BCAR3: variants seen among roughly 807,000 people sequenced by gnomAD.
BCAR3 encodes the protein breast cancer anti-estrogen resistance protein 3.
In BCAR3, 37 loss-of-function variants were observed where a neutral mutation model predicts 80.1. The observed-to-expected ratio is 0.46, with a 90% CI of 0.36 to 0.61. The LOEUF is 0.61. BCAR3 is among the 20% of genes least tolerant of loss of function. BCAR3 has a pLI of 0.00. For missense variants in BCAR3, 978 were observed against 1,068.2 expected, an observed-to-expected ratio of 0.92 and a Z score of 1.18; for synonymous variants, 389 against 418.9, an observed-to-expected ratio of 0.93 and a Z score of 0.87.
At chr1:93,718,363 A>G (rs1650261631) in intron 2 of BCAR3, among the ~76,000 whole-genome samples, 1 of 152,240 alleles carries the variant, frequency 6.6e-6, no homozygotes. Context: ...CTAATGCAGC[A>G]GGGTGAGAAA....
At position 93,746,902 on chromosome 1, in the gene BCAR3, G is replaced by C. The variant is rs566787384; in HGVS notation, c.-62-40760C>G. ...CTGCTCAAAGCCCTCTCTTCCCAAG[G>C]CTTCTGCAACACTCCTACTCTTCTC... On this transcript the variant is annotated intron_variant, in intron 2 of 13. Coordinates refer to the BCAR3 transcript ENST00000370244. Among the ~76,000 whole-genome samples the C allele has an allele frequency of 2.0e-5, 3 of 152,180 alleles. No individual in the cohort carries two copies. In the South Asian group the frequency reaches 6.2e-4, roughly 32 times the overall value.
intron 8 of BCAR3, among the ~76,000 whole-genome samples, chr1:93,575,728 C>T (rs953829462): frequency 2.0e-5 from 3 of 152,204 alleles, no homozygotes; most frequent in Admixed American, 2.0e-4. Context: ...CCTGCTCACA[C>T]AGGCCAATTG....
At position 93,784,490 on chromosome 1, in the gene BCAR3, C is replaced by A. The variant is rs572373590; in HGVS notation, c.-63+61077G>T. On this transcript the variant is annotated intron_variant, in intron 2 of 13. Transcript: ENST00000370244. ...AAGTGCCAGCAGTGCTGAGGGTGAG[C>A]AGTTCCCCCAGCATGAAAGAGCTAA... 7.9e-5 allele frequency among the ~76,000 whole-genome samples: 12 copies of A among 152,204 alleles called. No individual in the cohort carries two copies. The South Asian group carries it at 2.3e-3, about 29-fold the overall frequency.
rs556330327 is a variant in BCAR3 at position 93,784,190 on chromosome 1, A to C, written c.-63+61377T>G. Among the ~76,000 whole-genome samples the C allele has an allele frequency of 5.4e-5, 8 of 147,114 alleles. No homozygotes were observed. The East Asian group carries it at 1.6e-3, about 30-fold the overall frequency. The stretch of plus-strand genomic sequence containing the variant: ...CTACAGAATCCTGCCCAAATAATGG[A>C]TCTGTAAAGAAAAAAAAAAAAAAAA... On this transcript the variant is annotated intron_variant, in intron 2 of 13. Coordinates refer to the BCAR3 transcript ENST00000370244.
At chr1:93,563,141 T>TAAG (rs1401920743) in intron 11 of BCAR3, among the ~76,000 whole-genome samples, 1 of 152,198 alleles carries the variant, frequency 6.6e-6, no homozygotes, top group Non-Finnish European at 1.5e-5. Context: ...GATGGTAAGT[T>TAAG]TTTACATAAA....
chr1:93,640,418 G>GA (rs895635410), intron 3 of BCAR3, among the ~76,000 whole-genome samples: 15 of 147,808 alleles, frequency 1.0e-4, no homozygotes, highest in South Asian at 2.1e-4. Context: ...AAGTGAGAAA[G>GA]AAAAAAAAAA....
At chr1:93,670,159 T>C (rs911642046) in intron 2 of BCAR3, among the ~76,000 whole-genome samples, 1 of 152,140 alleles carries the variant, frequency 6.6e-6, no homozygotes, top group Non-Finnish European at 1.5e-5. Context: ...AGCTGAACAA[T>C]GTGAATGTCA....
intron 11 of BCAR3, among the ~76,000 whole-genome samples, chr1:93,566,537 A>C (rs1353888036): frequency 6.6e-6 from 1 of 152,108 alleles, no homozygotes; most frequent in Non-Finnish European, 1.5e-5. Context: ...CACTTGTAAG[A>C]AAAATCCGTT....
intron 5 of BCAR3, among the ~76,000 whole-genome samples, 194 bp downstream of exon 5, chr1:93,588,783 C>A (rs972422153): frequency 6.6e-6 from 1 of 152,150 alleles, no homozygotes; most frequent in African/African-American, 2.4e-5. Flanking sequence ...TTCCTCAGCT[C>A]CTGTACCATT....
At chr1:93,697,452 C>T (rs1304051050) in intron 3 of BCAR3, among the ~76,000 whole-genome samples, 1 of 152,108 alleles carries the variant, frequency 6.6e-6, no homozygotes, top group Admixed American at 6.5e-5. Context: ...GTGAAGAGGC[C>T]GAGATTGATG....
intron 2 of BCAR3, among the ~76,000 whole-genome samples, chr1:93,666,043 T>A (rs1006590493): frequency 1.3e-5 from 2 of 152,216 alleles, no homozygotes; most frequent in Non-Finnish European, 2.9e-5. Context: ...CCTGTACTTT[T>A]ACAACCACCT....
chr1:93,603,755 C>T lies in BCAR3; in HGVS notation c.358-11362G>A, dbSNP rs540754331. On this transcript the variant is annotated intron_variant, in intron 3 of 11. Coordinates refer to ENST00000260502, the MANE Select transcript of BCAR3 (RefSeq NM_003567.4). ...CTGCCGTGCTACTCTGCCTCTCTGG[C>T]TAGATCTGAGGCAGCCGCAGCTGTG... Among the ~76,000 whole-genome samples, 7 of 152,340 alleles carry T rather than the reference C, an allele frequency of 4.6e-5. 1 individual carries two copies. The South Asian group carries it at 1.4e-3, about 32-fold the overall frequency.
intron 3 of BCAR3, among the ~76,000 whole-genome samples, chr1:93,704,649 C>T (rs1264726706): frequency 6.6e-6 from 1 of 152,078 alleles, no homozygotes; most frequent in Non-Finnish European, 1.5e-5. Flanking sequence ...GAAAGGAAGT[C>T]CTTGAAAGTT....
intron 3 of BCAR3, among the ~76,000 whole-genome samples, chr1:93,703,385 G>A (rs1316937095): frequency 6.6e-6 from 1 of 152,096 alleles, no homozygotes; most frequent in Non-Finnish European, 1.5e-5. Flanking sequence ...ACCAGCCTGG[G>A]AAACAAAGCA....
intron 1 of BCAR3, among the ~76,000 whole-genome samples, chr1:93,677,159 G>A (rs1648524705): frequency 6.6e-6 from 1 of 152,206 alleles, no homozygotes; most frequent in Admixed American, 6.5e-5. Flanking sequence ...CCCTTATGCT[G>A]AAAGGAACAA....
At chr1:93,825,750 C>T (rs1373721185) in intron 2 of BCAR3, among the ~76,000 whole-genome samples, 1 of 152,166 alleles carries the variant, frequency 6.6e-6, no homozygotes, top group Non-Finnish European at 1.5e-5. Flanking sequence ...TTAAAGGGCC[C>T]GCAGCAGCAA....
At chr1:93,676,359 C>T (rs986104613) in intron 1 of BCAR3, among the ~76,000 whole-genome samples, 4 of 152,166 alleles carry the variant, frequency 2.6e-5, no homozygotes, top group East Asian at 1.9e-4. Flanking sequence ...AAAACACACA[C>T]GTTCCACTGC....
intron 3 of BCAR3, among the ~76,000 whole-genome samples, chr1:93,639,475 A>AT (rs139593635): frequency 0.16 from 20,410 of 128,094 alleles, 1,796 homozygotes; most frequent in Middle Eastern, 0.21. Context: ...GGGGAGCAGC[A>AT]TTTTTTTTTT....
chr1:93,648,440 G>T (rs1676215563), intron 2 of BCAR3, among the ~76,000 whole-genome samples: 1 of 152,172 alleles, frequency 6.6e-6, no homozygotes, highest in Non-Finnish European at 1.5e-5. Flanking sequence ...AGGTTTGACT[G>T]AAATAGAGAC....
Sources: gnomAD v4.1 joint callset for allele counts (sites outside exome capture counted in the v4.1 genomes callset) on GRCh38, gnomAD v4.1.1 for gene constraint, MANE v1.5 for transcripts, NCBI Gene and HGNC (gene_info 2026-07-23, HGNC 2026-07-21) for gene names.